ZNF420: variants seen among roughly 807,000 people sequenced by gnomAD.
ZNF420 encodes the protein ATM and p53-associated KZNF protein.
In ZNF420, 31 loss-of-function variants were observed where a neutral mutation model predicts 44.7. The ratio of observed to expected loss-of-function variants is 0.69; its 90% CI spans 0.52 to 0.94. The LOEUF (loss-of-function observed/expected upper bound fraction) is 0.94, where lower values mean the gene tolerates loss of function less well. Among genes scored for constraint, ZNF420 ranks in the 40% least tolerant of loss-of-function variants. ZNF420 has a pLI of 0.00. For synonymous variants in ZNF420, 245 were observed against 267.4 expected (o/e 0.92, Z 0.82); for missense variants, 681 against 827.9 (o/e 0.82, Z 2.18).
chr19:37,122,246 A>G (rs1167842072), intron 4 of ZNF420, among the ~76,000 whole-genome samples: 3 of 152,228 alleles, frequency 2.0e-5, no homozygotes, highest in African/African-American at 7.2e-5. Context: ...GGATTAAGAA[A>G]ATGTGGCACA....
chr19:37,056,088 G>C (rs899073859), intron 1 of ZNF420, among the ~76,000 whole-genome samples: 3 of 149,508 alleles, frequency 2.0e-5, no homozygotes, highest in Non-Finnish European at 3.0e-5. Context: ...CTCACTCTCT[G>C]TCTCTCTCTC....
At chr19:37,025,890 C>T (rs1372558296) in intron 1 of ZNF420, among the ~76,000 whole-genome samples, 2 of 151,722 alleles carry the variant, frequency 1.3e-5, no homozygotes, top group Non-Finnish European at 2.9e-5. Flanking sequence ...ATCCTCCTGC[C>T]TCAGCCTTCC....
At chr19:37,113,139 A>G (rs1016864507) in intron 4 of ZNF420, among the ~76,000 whole-genome samples, 3 of 152,208 alleles carry the variant, frequency 2.0e-5, no homozygotes, top group Non-Finnish European at 4.4e-5. Context: ...GTTTCCCGAC[A>G]ATGGTTGCCC....
chr19:37,117,097 A>G (rs1413238834), intron 4 of ZNF420, among the ~76,000 whole-genome samples: 1 of 152,226 alleles, frequency 6.6e-6, no homozygotes, highest in African/African-American at 2.4e-5. Context: ...GACAGCTTTG[A>G]AGAGAGTAGT....
intron 1 of ZNF420, among the ~76,000 whole-genome samples, chr19:37,068,366 G>A (rs780644065): frequency 2.0e-5 from 3 of 152,092 alleles, no homozygotes; most frequent in East Asian, 1.9e-4. Context: ...ATGGCCGGGC[G>A]CGGTGGCTCA....
At chr19:37,123,003 G>C (rs1038307124) in intron 4 of ZNF420, among the ~76,000 whole-genome samples, 1 of 152,144 alleles carries the variant, frequency 6.6e-6, no homozygotes, top group African/African-American at 2.4e-5. Flanking sequence ...TCACAGTGAG[G>C]AGTTCTCAGT....
intron 1 of ZNF420, among the ~76,000 whole-genome samples, chr19:37,043,709 G>A (rs1219933182): frequency 6.6e-6 from 1 of 152,120 alleles, no homozygotes; most frequent in Non-Finnish European, 1.5e-5. Flanking sequence ...CTGACCTCAG[G>A]TGATCCGCTG....
At chr19:37,086,517 T>C (rs1363482717) in intron 2 of ZNF420, among the ~76,000 whole-genome samples, 1 of 152,218 alleles carries the variant, frequency 6.6e-6, no homozygotes, top group African/African-American at 2.4e-5. Flanking sequence ...TATAGTGGTA[T>C]GTAAATCCTC....
rs118016105 is a variant in ZNF420 at position 37,034,043 on chromosome 19, T to C, written c.-125+25961T>C. Among the ~76,000 whole-genome samples the C allele has an allele frequency of 6.1e-3, 935 of 152,042 alleles. 27 individuals are homozygous for C. The highest frequency in any genetic ancestry group is 0.05 in the East Asian group (256 of 5,160). ...GTGCTGGGATTGCAGGCATGAGCCA[T>C]GCGCCCAGCCTATGTTCCATTTTTT... On this transcript the variant is annotated intron_variant, in intron 1 of 4. Coordinates refer to the ZNF420 transcript ENST00000587029.
upstream of ZNF420, among the ~76,000 whole-genome samples, chr19:37,076,495 G>C (rs974940992): frequency 2.6e-5 from 4 of 151,978 alleles, no homozygotes; most frequent in South Asian, 6.2e-4. Context: ...ATTTACATTA[G>C]ATATATCTCC....
chr19:37,087,301 A>T (rs941924146), intron 2 of ZNF420, among the ~76,000 whole-genome samples: 1 of 124,522 alleles, frequency 8.0e-6, no homozygotes, highest in Non-Finnish European at 1.6e-5. Context: ...AAATAAATAA[A>T]TAAATAAATA....
intron 1 of ZNF420, among the ~76,000 whole-genome samples, chr19:37,033,803 C>T (rs1470403432): frequency 6.6e-6 from 1 of 152,178 alleles, no homozygotes; most frequent in East Asian, 1.9e-4. Flanking sequence ...ATCGCCCAGG[C>T]TGGAGTTCAG....
intron 1 of ZNF420, among the ~76,000 whole-genome samples, chr19:37,043,377 C>T (rs76517324): frequency 0.044 from 6,776 of 152,296 alleles, 207 homozygotes; most frequent in East Asian, 0.077. Flanking sequence ...TCAGCACTAT[C>T]TCACTGGAGT....
intron 1 of ZNF420, among the ~76,000 whole-genome samples, chr19:37,079,589 T>G (rs1156635619): frequency 6.6e-6 from 1 of 152,132 alleles, no homozygotes; most frequent in Non-Finnish European, 1.5e-5. Context: ...CTTATAGCCT[T>G]AAGGGGATTG....
chr19:37,116,472 G>C (rs1031988430), intron 4 of ZNF420, among the ~76,000 whole-genome samples: 1 of 152,184 alleles, frequency 6.6e-6, no homozygotes, highest in Middle Eastern at 3.4e-3. Flanking sequence ...GAAAATATGG[G>C]TGGAGCCAAG....
chr19:37,127,430 G>A lies in ZNF420; in HGVS notation c.439G>A (p.Ala147Thr). The A allele has an allele frequency of 1.2e-6, 2 of 1,614,072 alleles. No individual in the cohort carries two copies. Among genetic ancestry groups the A allele is most frequent in the Non-Finnish European group, 1.7e-6 (2 of 1,179,988 alleles). ...KPYKCKECGK[A>T]FRRASHLTQH... ...CTATAAATGTAAGGAATGTGGGAAA[G>A]CCTTCAGACGAGCCTCACACCTAAC... Residue 147 changes from alanine to threonine, a missense_variant, in exon 5 of 5, where the codon GCC (alanine) becomes ACC (threonine). Ala to Thr is a moderately conservative substitution (Grantham distance 58). Around this residue, in one of 3 missense-constraint regions of ZNF420, gnomAD observed 350 missense variants for 382.5 expected, o/e 0.92. Coordinates refer to ENST00000337995, the MANE Select transcript of ZNF420 (RefSeq NM_144689.5).
chr19:37,056,647 C>G (rs1229375967), intron 1 of ZNF420, among the ~76,000 whole-genome samples: 2 of 152,188 alleles, frequency 1.3e-5, no homozygotes, highest in African/African-American at 4.8e-5. Context: ...CCCATGGGAT[C>G]TTTCTGTGCC....
At chr19:37,062,629 C>T (rs1967897995) in intron 1 of ZNF420, among the ~76,000 whole-genome samples, 1 of 152,084 alleles carries the variant, frequency 6.6e-6, no homozygotes, top group Admixed American at 6.5e-5. Flanking sequence ...CTTATGTTTT[C>T]CTAATTTTGA....
In ZNF420 at chr19:37,130,182, T is replaced by C. The variant is rs1180127434; in HGVS notation, c.*1124T>C. On this transcript the variant is annotated 3_prime_UTR_variant, in exon 5 of 5. Transcript: ENST00000337995. ...ACTCTCATGGGGACTTTGAGAATGG[T>C]ATCTGGGTGTTATGGATCATGGAGC... The C allele has an allele frequency of 1.9e-6, 3 of 1,550,336 alleles. No individual in the cohort carries two copies. The highest frequency in any genetic ancestry group is 1.7e-6 in the Non-Finnish European group (2 of 1,146,894).
Sources: gnomAD v4.1 joint callset for allele counts (sites outside exome capture counted in the v4.1 genomes callset) on GRCh38, gnomAD v4.1.1 for gene constraint, gnomAD v4.1.1 regional missense constraint, MANE v1.5 for transcripts, NCBI Gene and HGNC (gene_info 2026-07-23, HGNC 2026-07-21) for gene names.